The following LDLRAD4 variants were observed in gnomAD, a reference collection of about 807,000 sequenced individuals.
LDLRAD4 encodes the protein low density lipoprotein receptor class A domain containing 4.
Under a neutral mutation model 17.0 loss-of-function variants are expected in LDLRAD4, and 5 were observed. The ratio of observed to expected loss-of-function variants is 0.29; its 90% confidence interval spans 0.15 to 0.62. LDLRAD4 has a LOEUF of 0.62. LDLRAD4 is among the 20% of genes least tolerant of loss of function. The probability of loss-of-function intolerance (pLI) is 0.84; values close to 1 mark genes in which losing one functional copy is unlikely to be tolerated. For missense variants in LDLRAD4, 340 were observed against 424.7 expected, an observed-to-expected ratio of 0.80 and a Z score of 1.75; for synonymous variants, 168 against 171.8, an observed-to-expected ratio of 0.98 and a Z score of 0.17.
At chr18:13,611,730 G>A in intron 3 of LDLRAD4, 2 of 985,498 alleles carry the variant, frequency 2.0e-6, no homozygotes, top group Non-Finnish European at 2.4e-6. Flanking sequence ...CATACATGGG[G>A]AATAATGATG....
intron 1 of LDLRAD4, among the ~76,000 whole-genome samples, chr18:13,228,559 G>A (rs925755305): frequency 6.6e-6 from 1 of 152,168 alleles, no homozygotes; most frequent in Non-Finnish European, 1.5e-5. Flanking sequence ...AGGAAATGTC[G>A]GCAGTTGGTT....
At chr18:13,567,348 T>G (rs903989344) in intron 3 of LDLRAD4, among the ~76,000 whole-genome samples, 1 of 152,310 alleles carries the variant, frequency 6.6e-6, no homozygotes, top group South Asian at 2.1e-4. Context: ...AAGGCAGAGA[T>G]GAGGGGCTTG....
chr18:13,504,755 CT>C (rs1346059584), intron 3 of LDLRAD4, among the ~76,000 whole-genome samples: 1 of 152,222 alleles, frequency 6.6e-6, no homozygotes, highest in Non-Finnish European at 1.5e-5. Context: ...AGAATACACA[CT>C]TTCTCTTCCG....
intron 1 of LDLRAD4, among the ~76,000 whole-genome samples, chr18:13,227,245 T>C (rs1279176246): frequency 1.3e-5 from 2 of 152,142 alleles, no homozygotes; most frequent in African/African-American, 4.8e-5. Flanking sequence ...CTCCTAAAGC[T>C]TGAGAGAGAT....
intron 3 of LDLRAD4, among the ~76,000 whole-genome samples, chr18:13,576,453 GAAAGAAAT>G (rs1260325048): frequency 4.4e-4 from 65 of 148,430 alleles, no homozygotes; most frequent in South Asian, 1.1e-3. Context: ...AAGAAAGAAA[GAAAGAAAT>G]AAAGTGGATT....
intron 1 of LDLRAD4, among the ~76,000 whole-genome samples, chr18:13,234,629 C>T (rs1369149304): frequency 6.6e-6 from 1 of 152,116 alleles, no homozygotes; most frequent in Admixed American, 6.5e-5. Flanking sequence ...ACCTGAGCCT[C>T]CGTGGGTTGG....
rs147151097 is a variant in LDLRAD4 at position 13,417,324 on chromosome 18, C to T, written c.41-20920C>T. On this transcript the variant is annotated intron_variant, in intron 2 of 5. Coordinates refer to ENST00000359446, the Ensembl canonical transcript of LDLRAD4. ...ATAAGGCTCATACAAAAATTCAATG[C>T]GAAAGTTAGGTCTTAAGGAAAACCA... Among the ~76,000 whole-genome samples, 68 of 152,234 alleles carry T rather than the reference C, an allele frequency of 4.5e-4. 1 individual carries two copies. In the East Asian group the frequency reaches 0.01, roughly 23 times the overall value.
At chr18:13,550,839 G>A (rs1040820098) in intron 3 of LDLRAD4, among the ~76,000 whole-genome samples, 1 of 152,110 alleles carries the variant, frequency 6.6e-6, no homozygotes. Flanking sequence ...CTTCCTCTGC[G>A]AGCAGGCAGG....
At chr18:13,277,256 G>T (rs902382123), upstream of LDLRAD4, among the ~76,000 whole-genome samples, 1 of 152,226 alleles carries the variant, frequency 6.6e-6, no homozygotes, top group African/African-American at 2.4e-5. Context: ...AAGCCAGACA[G>T]ATGGTGGCTT....
intron 3 of LDLRAD4, chr18:13,489,241 G>C (rs1272700166): frequency 6.7e-6 from 1 of 148,162 alleles, no homozygotes; most frequent in Non-Finnish European, 1.5e-5. Context: ...CACAAACTCT[G>C]CCTCCCAGGT....
At chr18:13,424,926 G>A (rs780898745) in intron 2 of LDLRAD4, among the ~76,000 whole-genome samples, 2 of 152,236 alleles carry the variant, frequency 1.3e-5, no homozygotes, top group Non-Finnish European at 2.9e-5. Flanking sequence ...TGTCCTGGAA[G>A]TGATGGAATC....
intron 1 of LDLRAD4, among the ~76,000 whole-genome samples, chr18:13,250,544 G>T (rs140889419): frequency 6.6e-6 from 1 of 152,062 alleles, no homozygotes; most frequent in African/African-American, 2.4e-5. Flanking sequence ...AAGTGAAAAA[G>T]TGAAACATCA....
intron 1 of LDLRAD4, among the ~76,000 whole-genome samples, chr18:13,295,151 G>A (rs766118321): frequency 2.6e-5 from 4 of 152,190 alleles, no homozygotes; most frequent in Non-Finnish European, 5.9e-5. Context: ...GCAGTAGGGA[G>A]ACCCCATTTT....
intron 1 of LDLRAD4, chr18:13,362,444 G>A (rs2083741309): frequency 6.6e-6 from 1 of 152,250 alleles, no homozygotes; most frequent in African/African-American, 2.4e-5. Flanking sequence ...ACCAAGGTAT[G>A]ATGTGCAGCA....
chr18:13,474,430 A>T (rs2092883214), intron 3 of LDLRAD4, among the ~76,000 whole-genome samples: 2 of 152,208 alleles, frequency 1.3e-5, no homozygotes, highest in South Asian at 4.1e-4. Flanking sequence ...ATTCAAATGG[A>T]AGCAACATTG....
chr18:13,635,671 T>C (rs2042014547), intron 4 of LDLRAD4, among the ~76,000 whole-genome samples: 1 of 152,210 alleles, frequency 6.6e-6, no homozygotes, highest in African/African-American at 2.4e-5. Context: ...TGCTCAAGTG[T>C]AAAGGAGTCT....
chr18:13,456,206 G>A (rs2146470537), intron 3 of LDLRAD4, among the ~76,000 whole-genome samples: 1 of 152,330 alleles, frequency 6.6e-6, no homozygotes. Context: ...CAAAATGACT[G>A]GCTGTGGTGG....
intron 3 of LDLRAD4, among the ~76,000 whole-genome samples, chr18:13,608,311 C>T (rs913873644): frequency 3.4e-4 from 52 of 151,926 alleles, no homozygotes; most frequent in African/African-American, 1.2e-3. Context: ...GAGTGAAGCA[C>T]CCGCGGTGGG....
chr18:13,459,761 A>G (rs2092339953), intron 3 of LDLRAD4, among the ~76,000 whole-genome samples: 2 of 152,228 alleles, frequency 1.3e-5, no homozygotes, highest in Non-Finnish European at 2.9e-5. Flanking sequence ...GGCTTTGTCT[A>G]TAGAAAGATA....
Sources: gnomAD v4.1 joint callset for allele counts (sites outside exome capture counted in the v4.1 genomes callset) on GRCh38, gnomAD v4.1.1 for gene constraint, MANE v1.5 for transcripts, NCBI Gene and HGNC (gene_info 2026-07-23, HGNC 2026-07-21) for gene names.